Variants in EYS observed in about 807,000 individuals in gnomAD.
EYS encodes the protein protein eyes shut homolog.
A neutral mutation model predicts 282.1 loss-of-function variants in EYS; 250 were observed. That is an observed-to-expected ratio of 0.89 (90% confidence interval 0.80 to 0.98). EYS has a LOEUF of 0.98. Among genes scored for constraint, EYS ranks in the 50% least tolerant of loss-of-function variants. EYS has a pLI of 0.00. For missense variants in EYS, 4,016 were observed against 3,709.0 expected (o/e 1.08, Z -2.15); for synonymous variants, 1,355 against 1,282.9 (o/e 1.06, Z -1.20).
intron 29 of EYS, among the ~76,000 whole-genome samples, chr6:64,320,363 C>G (rs1323990931): frequency 3.3e-5 from 5 of 151,834 alleles, no homozygotes; most frequent in African/African-American, 9.7e-5. Context: ...GTTGTTGAAT[C>G]TCTGCTCATT....
chr6:64,746,462 T>TA lies in EYS; in HGVS notation c.3443+66915dup, dbSNP rs534725114. 2.4e-4 allele frequency among the ~76,000 whole-genome samples: 36 copies of TA among 152,178 alleles called. No individual in the cohort carries two copies. In the East Asian group the frequency reaches 7.0e-3, roughly 30 times the overall value. ...CATGAGCCAATACATATATGTTCAT[T>TA]AAAAAAATAACGCATCTGTGGTAGT... On this transcript the variant is annotated intron_variant, in intron 22 of 42. Coordinates refer to ENST00000503581, the MANE Select transcript of EYS (RefSeq NM_001142800.2).
intron 30 of EYS, among the ~76,000 whole-genome samples, chr6:64,292,177 C>T (rs1285079215): frequency 6.6e-6 from 1 of 152,112 alleles, no homozygotes; most frequent in Non-Finnish European, 1.5e-5. Context: ...CCCACTTCCA[C>T]AAAACCAGCA....
At chr6:64,391,179 G>A (rs1334391726) in intron 28 of EYS, among the ~76,000 whole-genome samples, 4 of 150,898 alleles carry the variant, frequency 2.7e-5, no homozygotes, top group South Asian at 4.2e-4. Context: ...GGGGAGAATG[G>A]AACCAAGTTG....
At chr6:64,144,951 C>G (rs557657260) in intron 31 of EYS, among the ~76,000 whole-genome samples, 1 of 152,264 alleles carries the variant, frequency 6.6e-6, no homozygotes, top group East Asian at 1.9e-4. Flanking sequence ...AGCTAGCAAG[C>G]TAACTATCTC....
At chr6:65,181,973 C>T (rs1765397598) in intron 12 of EYS, among the ~76,000 whole-genome samples, 1 of 151,950 alleles carries the variant, frequency 6.6e-6, no homozygotes, top group Non-Finnish European at 1.5e-5. Context: ...AAAACAAACA[C>T]CACATGTTCT....
chr6:64,078,430 A>G (rs1771845703), intron 32 of EYS, among the ~76,000 whole-genome samples: 1 of 152,064 alleles, frequency 6.6e-6, no homozygotes, highest in Non-Finnish European at 1.5e-5. Flanking sequence ...ACTGAATTAC[A>G]AAAATCTTTG....
At chr6:64,530,337 C>T in intron 26 of EYS, among the ~76,000 whole-genome samples, 1 of 151,968 alleles carries the variant, frequency 6.6e-6, no homozygotes, top group South Asian at 2.1e-4. Flanking sequence ...GTTAATATAA[C>T]TTAAGTCTAA....
At chr6:64,275,782 T>G (rs1238954930) in intron 30 of EYS, among the ~76,000 whole-genome samples, 1 of 143,712 alleles carries the variant, frequency 7.0e-6, no homozygotes, top group Admixed American at 7.1e-5. Flanking sequence ...GGTGAAACCC[T>G]GTGTCTACTA....
intron 36 of EYS, among the ~76,000 whole-genome samples, chr6:63,809,956 C>T (rs889101809): frequency 3.3e-5 from 5 of 151,504 alleles, no homozygotes; most frequent in Non-Finnish European, 5.9e-5. Flanking sequence ...AAATATTTTG[C>T]TGTGGCCGGG....
chr6:64,424,432 C>T (rs919258005), intron 28 of EYS, among the ~76,000 whole-genome samples: 2 of 152,134 alleles, frequency 1.3e-5, no homozygotes, highest in African/African-American at 4.8e-5. Flanking sequence ...TAATTTCATG[C>T]AACTCTGGAG....
At chr6:64,217,495 C>G (rs1039373373) in intron 31 of EYS, among the ~76,000 whole-genome samples, 1 of 152,160 alleles carries the variant, frequency 6.6e-6, no homozygotes, top group Non-Finnish European at 1.5e-5. Context: ...GGCCCCTGCA[C>G]TGCAGCCCGA....
intron 13 of EYS, among the ~76,000 whole-genome samples, chr6:65,016,192 C>T (rs956221161): frequency 2.6e-5 from 4 of 150,958 alleles, no homozygotes; most frequent in Non-Finnish European, 5.9e-5. Context: ...GGTGAAACCT[C>T]GTTTCTACTA....
At chr6:65,048,684 G>T (rs969960829) in intron 13 of EYS, among the ~76,000 whole-genome samples, 13 of 151,862 alleles carry the variant, frequency 8.6e-5, no homozygotes, top group Non-Finnish European at 2.9e-5. Flanking sequence ...GACAGATTCA[G>T]TATGCTTGAA....
At chr6:65,196,417 C>T (rs898678029) in intron 12 of EYS, among the ~76,000 whole-genome samples, 6 of 151,992 alleles carry the variant, frequency 3.9e-5, no homozygotes, top group East Asian at 3.9e-4. Context: ...GAATATGCCC[C>T]GTCCCCCTTT....
chr6:65,091,449 C>CTAGAAATA lies in EYS; in HGVS notation c.2024-33723_2024-33722insTATTTCTA, dbSNP rs1774561951. On this transcript the variant is annotated intron_variant, in intron 12 of 42. Coordinates refer to ENST00000503581, the MANE Select transcript of EYS (RefSeq NM_001142800.2). ...TGGGTGAGAGAGCGAGACTACATCT[C>CTAGAAATA]AAGAAATAAATAAATAAATAAATAA... Among the ~76,000 whole-genome samples, 6 of 85,794 alleles carry CTAGAAATA rather than the reference C, an allele frequency of 7.0e-5. No homozygotes were observed. In the South Asian group the frequency reaches 2.3e-3, roughly 33 times the overall value. 56.3% of individuals were successfully genotyped at this position (85,794 alleles called of 152,430 possible).
chr6:65,636,923 C>T (rs901689557), intron 2 of EYS, among the ~76,000 whole-genome samples: 2 of 152,164 alleles, frequency 1.3e-5, no homozygotes, highest in Non-Finnish European at 2.9e-5. Flanking sequence ...GCAATCCTCC[C>T]ACCTCAGCCT....
intron 22 of EYS, among the ~76,000 whole-genome samples, chr6:64,708,253 C>T (rs1440111329): frequency 6.6e-6 from 1 of 152,146 alleles, no homozygotes. Context: ...AAAAATGTAC[C>T]TGCATTTAGC....
intron 30 of EYS, among the ~76,000 whole-genome samples, chr6:64,275,242 C>T (rs1394433700): frequency 2.6e-5 from 4 of 152,284 alleles, no homozygotes; most frequent in South Asian, 2.1e-4. Flanking sequence ...TTGGTGCTAA[C>T]CCGTCTTTCA....
At chr6:64,501,164 A>G (rs1439116900) in intron 26 of EYS, among the ~76,000 whole-genome samples, 1 of 151,554 alleles carries the variant, frequency 6.6e-6, no homozygotes, top group Non-Finnish European at 1.5e-5. Flanking sequence ...TCCTCTGATT[A>G]AGTACCTTAT....
Sources: allele counts gnomAD v4.1 joint callset (sites outside exome capture counted in the v4.1 genomes callset), GRCh38; gene constraint gnomAD v4.1.1; transcripts MANE v1.5; gene names NCBI Gene and HGNC (gene_info 2026-07-23, HGNC 2026-07-21).